The following IL18R1 variants were observed in gnomAD, a reference collection of about 807,000 sequenced individuals.
The protein encoded by IL18R1 is interleukin 18 receptor 1, also known as interleukin-18 receptor 1.
In IL18R1, 40 loss-of-function variants were observed where a neutral mutation model predicts 48.5. The ratio of observed to expected loss-of-function variants is 0.82; its 90% CI spans 0.64 to 1.07. The LOEUF (loss-of-function observed/expected upper bound fraction) is 1.07, where lower values mean the gene tolerates loss of function less well. IL18R1 is among the 50% of genes least tolerant of loss of function. The pLI is 0.00. For synonymous variants in IL18R1, 232 were observed against 225.9 expected (o/e 1.03, Z -0.24); for missense variants, 596 against 633.7 (o/e 0.94, Z 0.64).
rs1368458251 is a variant in IL18R1 at position 102,396,996 on chromosome 2, C to T, written c.*110C>T. 1.5e-6 allele frequency: 1 copy of T among 676,406 alleles called. No individual in the cohort carries two copies. Among genetic ancestry groups the T allele is most frequent in the Non-Finnish European group, 2.5e-6 (1 of 405,398 alleles). The allele number at this position is 676,406 out of a possible 1,614,324, so 41.9% of individuals were successfully genotyped here. A position where few individuals can be genotyped will look rare whatever the true frequency, so the allele number is the denominator to read the frequency against. ...TCGAAATAATTAACTTTGTCAAAAT[C>T]CTGCTCACAATTTGAAGATGAAACT... On this transcript the variant is annotated 3_prime_UTR_variant, in exon 11 of 11. Coordinates refer to ENST00000233957, the MANE Select transcript of IL18R1 (RefSeq NM_003855.5).
At position 102,367,741 on chromosome 2, in the gene IL18R1, C is replaced by G. The variant is rs1019984664; in HGVS notation, c.59-84C>G. 4.3e-6 allele frequency: 5 copies of G among 1,171,740 alleles called. No individual in the cohort carries two copies. In the East Asian group the frequency reaches 1.3e-4, roughly 30 times the overall value. 72.6% of individuals were successfully genotyped at this position (1,171,740 alleles called of 1,614,324 possible). On this transcript the variant is annotated intron_variant, in intron 2 of 10. Coordinates refer to ENST00000233957, the MANE Select transcript of IL18R1 (RefSeq NM_003855.5). ...CTTTCTTGCTAACCTTGCTTCTTCA[C>G]CTAATGCATTAGGAGACCAAAAAAA...
rs4851566 is a variant in IL18R1 at position 102,356,339 on chromosome 2, G to C, written c.-90G>C. On this transcript the variant is annotated 5_prime_UTR_variant, in exon 1 of 11. Coordinates refer to ENST00000233957, the MANE Select transcript of IL18R1 (RefSeq NM_003855.5). ...CTTTCTGAACTTGGCCTCCGCAGTC[G>C]CGACCTGGCGTGAAGGAGGAGCTGC... 386,288 of 981,542 alleles carry C rather than the reference G, an allele frequency of 0.39. 80,191 individuals carry two copies. The highest frequency in any genetic ancestry group is 0.71 in the African/African-American group (40,433 of 57,036). The allele number at this position is 981,542 out of a possible 1,614,324, so 60.8% of individuals were successfully genotyped here.
At chr2:102,368,180 C>A in intron 3 of IL18R1, 112 bp downstream of exon 3, 1 of 1,136,316 alleles carries the variant, frequency 8.8e-7, no homozygotes. Flanking sequence ...CCTTTTCTTT[C>A]CTACTCTTCC....
intron 2 of IL18R1, among the ~76,000 whole-genome samples, chr2:102,365,210 T>C (rs571793208): frequency 6.6e-6 from 1 of 152,266 alleles, no homozygotes; most frequent in African/African-American, 2.4e-5. Flanking sequence ...AGTCAGTAAA[T>C]TCAAGAGCAA....
chr2:102,371,278 G>A (rs1679244618), intron 3 of IL18R1, among the ~76,000 whole-genome samples: 1 of 152,044 alleles, frequency 6.6e-6, no homozygotes, highest in African/African-American at 2.4e-5. Flanking sequence ...ACCTGCCTTG[G>A]CCTCCCAAAG....
At chr2:102,364,767 G>A (rs1467230669) in intron 2 of IL18R1, among the ~76,000 whole-genome samples, 1 of 152,162 alleles carries the variant, frequency 6.6e-6, no homozygotes, top group Non-Finnish European at 1.5e-5. Context: ...GTTCTGTATG[G>A]CTGGGGAGGC....
At chr2:102,390,020 G>T in intron 8 of IL18R1, 36 bp from the exon 9 acceptor site, 1 of 1,607,478 alleles carries the variant, frequency 6.2e-7, no homozygotes, top group South Asian at 1.1e-5. Context: ...AAGATTTCTT[G>T]ATTATTTTCT....
intron 5 of IL18R1, among the ~76,000 whole-genome samples, chr2:102,377,262 A>G (rs1361325237): frequency 6.6e-6 from 1 of 152,208 alleles, no homozygotes; most frequent in Non-Finnish European, 1.5e-5. Flanking sequence ...TTTTGCCAGA[A>G]TTGCTTTACT....
intron 1 of IL18R1, 32 bp downstream of exon 1, chr2:102,356,432 C>G (rs1016594741): frequency 3.6e-6 from 2 of 563,286 alleles, no homozygotes; most frequent in Non-Finnish European, 4.5e-6. Flanking sequence ...ACCCGCATCC[C>G]CTCCCCACCC....
intron 6 of IL18R1, among the ~76,000 whole-genome samples, chr2:102,384,579 G>A (rs1371188877): frequency 1.3e-5 from 2 of 152,158 alleles, no homozygotes; most frequent in Non-Finnish European, 2.9e-5. Context: ...AAGTCTCAGT[G>A]AGAGTATTGT....
At chr2:102,380,780 C>T (rs1424306487) in intron 5 of IL18R1, among the ~76,000 whole-genome samples, 4 of 152,142 alleles carry the variant, frequency 2.6e-5, no homozygotes, top group African/African-American at 9.7e-5. Flanking sequence ...CTGCAAGTCC[C>T]AGAAGGGATG....
chr2:102,390,835 A>AGGCAGGAGAAT (rs1680520971), intron 9 of IL18R1, among the ~76,000 whole-genome samples: 1 of 148,236 alleles, frequency 6.7e-6, no homozygotes, highest in Non-Finnish European at 1.5e-5. Flanking sequence ...CGGGAGGCTG[A>AGGCAGGAGAAT]GGCAGGAGAA....
intron 10 of IL18R1, among the ~76,000 whole-genome samples, chr2:102,395,501 A>G (rs897414133): frequency 2.0e-4 from 31 of 152,214 alleles, no homozygotes; most frequent in Non-Finnish European, 3.2e-4. Context: ...AGTAGAAAGG[A>G]AAATATTGCT....
At chr2:102,380,302 T>A (rs1024857585) in intron 5 of IL18R1, among the ~76,000 whole-genome samples, 2 of 152,200 alleles carry the variant, frequency 1.3e-5, no homozygotes, top group African/African-American at 4.8e-5. Flanking sequence ...GTAGACAGCA[T>A]CCTTTGCTGA....
In IL18R1 at chr2:102,396,918, C is replaced by A; in HGVS notation, c.*32C>A. On this transcript the variant is annotated 3_prime_UTR_variant, in exon 11 of 11. Transcript: ENST00000233957. ...GAAACAGTGAACGCCAAAAAGAACTCAAGATATTCTGGGGACTGAGCATAT... is the reference window on the plus strand; with the variant it reads ...GAAACAGTGAACGCCAAAAAGAACTAAAGATATTCTGGGGACTGAGCATAT... 2 of 1,357,316 alleles carry A rather than the reference C, an allele frequency of 1.5e-6. No individual in the cohort carries two copies. Among genetic ancestry groups the A allele is most frequent in the Non-Finnish European group, 2.0e-6 (2 of 981,754 alleles). The allele number at this position is 1,357,316 out of a possible 1,614,324, so 84.1% of individuals were successfully genotyped here. A position where few individuals can be genotyped will look rare whatever the true frequency, so the allele number is the denominator to read the frequency against.
chr2:102,359,099 G>T (rs944776913), intron 1 of IL18R1, among the ~76,000 whole-genome samples: 1 of 152,150 alleles, frequency 6.6e-6, no homozygotes, highest in African/African-American at 2.4e-5. Flanking sequence ...GCAGTAGAGT[G>T]CTCAGGGAGG....
At position 102,367,814 on chromosome 2, in the gene IL18R1, A is replaced by T; in HGVS notation, c.59-11A>T. On this transcript the variant is annotated splice_polypyrimidine_tract_variant and intron_variant, in intron 2 of 10. Coordinates refer to ENST00000233957, the MANE Select transcript of IL18R1 (RefSeq NM_003855.5). ...TGTTTTTATTTATTTTACTTTACTA[A>T]TCTTTTGAAGAATCTTGTACTTCAC... 1 of 1,603,964 alleles carries T rather than the reference A, an allele frequency of 6.2e-7. No individual in the cohort carries two copies.
chr2:102,362,545 T>A (rs2105030841), intron 1 of IL18R1, 88 bp from the exon 2 acceptor site: 1 of 759,062 alleles, frequency 1.3e-6, no homozygotes, highest in East Asian at 2.7e-5. Context: ...TTTAAAAATC[T>A]GTGTGCCAGA....
intron 6 of IL18R1, among the ~76,000 whole-genome samples, chr2:102,383,300 T>C (rs928394990): frequency 6.6e-6 from 1 of 152,210 alleles, no homozygotes; most frequent in Non-Finnish European, 1.5e-5. Context: ...GTCTATTTGG[T>C]TAAGTTCATT....
Sources: gnomAD v4.1 joint callset for allele counts (sites outside exome capture counted in the v4.1 genomes callset) on GRCh38, gnomAD v4.1.1 for gene constraint, MANE v1.5 for transcripts, NCBI Gene and HGNC (gene_info 2026-07-23, HGNC 2026-07-21) for gene names.